MUC4: variants seen among roughly 807,000 people sequenced by gnomAD.
MUC4 encodes mucin 4, cell surface associated, also known as mucin-4.
MUC4 carries 202 observed loss-of-function variants against 257.9 expected under a neutral mutation model. That is an observed-to-expected ratio of 0.78 (90% confidence interval 0.70 to 0.88). The LOEUF (loss-of-function observed/expected upper bound fraction) is 0.88. MUC4 is among the 40% of genes least tolerant of loss of function. The pLI is 0.00. For missense variants in MUC4, 5,976 were observed against 6,513.7 expected, an observed-to-expected ratio of 0.92 and a Z score of 2.84; for synonymous variants, 2,351 against 2,757.1, an observed-to-expected ratio of 0.85 and a Z score of 4.62.
At position 195,778,399 on chromosome 3, in the gene MUC4, G is replaced by T. The variant is rs557931549; in HGVS notation, c.12847C>A (p.Pro4283Thr). 7.4e-6 allele frequency: 12 copies of T among 1,613,134 alleles called. No individual in the cohort carries two copies. The highest frequency in any genetic ancestry group is 1.0e-5 in the Non-Finnish European group (12 of 1,179,918). Residue 4283 changes from proline to threonine, a missense_variant, in exon 3 of 25, where the codon CCC becomes ACC. This residue lies in a region of MUC4 where 233 missense variants were observed against 171.2 expected (regional missense o/e 1.36). Coordinates refer to ENST00000463781, the MANE Select transcript of MUC4 (RefSeq NM_018406.7). ...DGGRRTATSPPPTTSQTIIST... is the reference protein window; with the variant it reads ...DGGRRTATSPTPTTSQTIIST... ...ATGATGGTCTGGGAGGTTGTGGGGG[G>T]TGGTGATGTGGCTGTGCGTCTCCCA...
chr3:195,767,718 CCACCACCAT>C, intron 7 of MUC4, among the ~76,000 whole-genome samples: 1 of 864 alleles, frequency 1.2e-3, no homozygotes, highest in African/African-American at 3.8e-3. Flanking sequence ...CCATCGGCCA[CCACCACCAT>C]CACCACCACC....
At chr3:195,770,748 C>A in intron 5 of MUC4, 1 of 433,108 alleles carries the variant, frequency 2.3e-6, no homozygotes, top group South Asian at 1.7e-5. Flanking sequence ...TCCACACTGC[C>A]CTGTCCGTGG....
intron 1 of MUC4, among the ~76,000 whole-genome samples, chr3:195,800,534 T>C (rs1735164683): frequency 6.6e-6 from 1 of 152,212 alleles, no homozygotes; most frequent in African/African-American, 2.4e-5. Flanking sequence ...CTACAGTTAT[T>C]GCATTTGTCT....
rs773103626 is a variant in MUC4, at chr3:195,783,052, G to C, written c.8528C>G (p.Ser2843Ter). 1.3e-5 allele frequency: 11 copies of C among 818,508 alleles called. 1 individual carries two copies. The highest frequency in any genetic ancestry group is 1.9e-5 in the Non-Finnish European group (11 of 580,852). 50.7% of individuals were successfully genotyped at this position (818,508 alleles called of 1,614,324 possible). Residue 2843 changes from serine to a stop codon, truncating the protein, a stop_gained, in exon 2 of 25, where the codon TCA becomes TGA. Coordinates refer to ENST00000463781, the MANE Select transcript of MUC4 (RefSeq NM_018406.7). LOFTEE classifies it high-confidence loss of function. ...LPVTIPSSAS[S>*]GHTTPLPVTD... is the part of the protein sequence containing the mutation. Reference sequence around the variant, plus strand: ...GACAGGAAGAGGGGTGGTGTGACCTGAGGATGCTGAGGAAGGGATGGTGAC... The same window carrying C: ...GACAGGAAGAGGGGTGGTGTGACCTCAGGATGCTGAGGAAGGGATGGTGAC...
Position 195,747,381 on chromosome 3 carries a change from C to T in MUC4, c.16035-1G>A. ...CGTGTAGATGGAGAAGGACACACAG[C>T]TGGTGACCAAGAGAGACAGACAGGC... On this transcript the variant is annotated splice_acceptor_variant, in intron 24 of 24. Transcript: ENST00000463781. LOFTEE classifies it high-confidence loss of function. 2 of 1,613,476 alleles carry T rather than the reference C, an allele frequency of 1.2e-6. No homozygotes were observed. The highest frequency in any genetic ancestry group is 8.5e-7 in the Non-Finnish European group (1 of 1,179,620).
chr3:195,788,552 G>A lies in MUC4; in HGVS notation c.3028C>T (p.Pro1010Ser), dbSNP rs1232170788. 2.6e-6 allele frequency: 4 copies of A among 1,527,984 alleles called. No individual in the cohort carries two copies. The highest frequency in any genetic ancestry group is 1.9e-4 in the Middle Eastern group (1 of 5,352). The allele number at this position is 1,527,984 out of a possible 1,614,324, so 94.7% of individuals were successfully genotyped here. A position where few individuals can be genotyped will look rare whatever the true frequency, so the allele number is the denominator to read the frequency against. The change falls in exon 2 of 25, where the codon CCT becomes TCT. Residue 1010 changes from proline to serine, a missense_variant. Pro to Ser is a moderately conservative substitution (Grantham distance 74). Around this residue, in one of 44 missense-constraint regions of MUC4, gnomAD observed 1,583 missense variants for 1,257.4 expected, o/e 1.26. Transcript: ENST00000463781. ...SVSTGHATPL[P>S]VTSPSSVSTG... ...GATACTGAGGAAGGGCTGGTGACAG[G>A]AAGAGGGGTGGCGTGACCTGTGGAT...
intron 1 of MUC4, among the ~76,000 whole-genome samples, chr3:195,802,359 A>G (rs1384266040): frequency 2.8e-5 from 2 of 71,588 alleles, no homozygotes; most frequent in Non-Finnish European, 6.3e-5. Context: ...CAGCCTCCTC[A>G]CTGCCCCTGC....
At position 195,753,114 on chromosome 3, in the gene MUC4, G is replaced by C. The variant is rs202242101; in HGVS notation, c.15445C>G (p.Pro5149Ala). 1.7e-5 allele frequency: 27 copies of C among 1,612,754 alleles called. No homozygotes were observed. The East Asian group carries it at 4.9e-4, about 29-fold the overall frequency. ...LGCQPMCTCP[P>A]AFTDSRCFLA... The stretch of plus-strand genomic sequence containing the variant: ...AAGCAGCGGCTGTCAGTGAAGGCTG[G>C]GGGGCAGGTGCACATGGGCTGACAG... Residue 5149 changes from proline (P) to alanine (A), a missense_variant, in exon 20 of 25, where the codon CCA becomes GCA. By Grantham distance (27) the Pro-to-Ala change is conservative. Around this residue, in one of 44 missense-constraint regions of MUC4, gnomAD observed 996 missense variants for 1,137.3 expected, o/e 0.88. Transcript: ENST00000463781.
chr3:195,764,038 C>T lies in MUC4; in HGVS notation c.14044+7G>A, dbSNP rs201624504. On this transcript the variant is annotated splice_region_variant and intron_variant, in intron 11 of 24. Coordinates refer to ENST00000463781, the MANE Select transcript of MUC4 (RefSeq NM_018406.7). ...GGCTCTTCCTGGGCCTGGGCCCTGT[C>T]GCTCACCGGGCTGTGGGGGCCTGTA... 2.9e-3 allele frequency: 4,692 copies of T among 1,607,976 alleles called. 45 individuals are homozygous for T. In the Middle Eastern group the frequency reaches 0.055, roughly 19 times the overall value.
intron 1 of MUC4, among the ~76,000 whole-genome samples, chr3:195,796,069 T>TTTTA (rs908369439): frequency 6.6e-6 from 1 of 152,050 alleles, no homozygotes; most frequent in African/African-American, 2.4e-5. Context: ...AACTATTTTA[T>TTTTA]TTTATTTATT....
chr3:195,756,997 T>A, intron 18 of MUC4, 150 bp downstream of exon 18: 1 of 776,924 alleles, frequency 1.3e-6, no homozygotes, highest in Non-Finnish European at 2.0e-6. Flanking sequence ...GTTTGTGGCC[T>A]GAGACTGGAA....
At position 195,810,622 on chromosome 3, in the gene MUC4, GAGGTAAGA is replaced by G. The variant is rs1190291438; in HGVS notation, c.82+1106_82+1113del. Among the ~76,000 whole-genome samples, 2 of 152,140 alleles carry G rather than the reference GAGGTAAGA, an allele frequency of 1.3e-5. No homozygotes were observed. The highest frequency in any genetic ancestry group is 2.9e-5 in the Non-Finnish European group (2 of 68,010). On this transcript the variant is annotated intron_variant, in intron 1 of 24. Coordinates refer to ENST00000463781, the MANE Select transcript of MUC4 (RefSeq NM_018406.7). The surrounding 1 kb of genome is among the most constrained non-coding windows in gnomAD (Gnocchi z 4.2). Reference sequence around the variant, plus strand: ...ATGGAGGCTTTTAAACCCGAGCTCAGAGGTAAGAAGCCCACGGCCAGCACCTCCCGGCC... The same window carrying G: ...ATGGAGGCTTTTAAACCCGAGCTCAGAGCCCACGGCCAGCACCTCCCGGCC...
rs538780118 is a variant in MUC4, at chr3:195,770,218, C to G, written c.13396G>C (p.Gly4466Arg). Reference sequence around the variant, plus strand: ...GAGCTGCCCAGGGGTCTACTCACCCCGAGGGTCCACTGGGCAGGATAGGCG... The same window carrying G: ...GAGCTGCCCAGGGGTCTACTCACCCGGAGGGTCCACTGGGCAGGATAGGCG... ...AHAYPAQWTL[G>R]SNTYQAILST... Residue 4466 changes from glycine (G) to arginine (R), a missense_variant and splice_region_variant, in exon 6 of 25, where the codon GGG (glycine) becomes CGG (arginine). Gly to Arg is a moderately radical substitution (Grantham distance 125). Around this residue, in one of 44 missense-constraint regions of MUC4, gnomAD observed 996 missense variants for 1,137.3 expected, o/e 0.88. Coordinates refer to ENST00000463781, the MANE Select transcript of MUC4 (RefSeq NM_018406.7). 2 of 1,604,950 alleles carry G rather than the reference C, an allele frequency of 1.2e-6. No individual in the cohort carries two copies. Among genetic ancestry groups the G allele is most frequent in the Non-Finnish European group, 1.7e-6 (2 of 1,176,416 alleles).
At position 195,790,963 on chromosome 3, in the gene MUC4, G is replaced by A. The variant is rs754450510; in HGVS notation, c.617C>T (p.Thr206Ile). The change falls in exon 2 of 25, where the codon ACC (threonine) becomes ATC (isoleucine). Residue 206 changes from threonine to isoleucine, a missense_variant. This residue lies in a region of MUC4 where 1,583 missense variants were observed against 1,257.4 expected (regional missense o/e 1.26). Transcript: ENST00000463781. The stretch of plus-strand genomic sequence containing the variant: ...TAGGGTGCTGGTTTGAGATTCCCTG[G>A]TGGTCTGCGTGCTCCGAGTCCAGTG... ...QNHWTRSTQTTRESQTSTLTH... is the reference protein window; with the variant it reads ...QNHWTRSTQTIRESQTSTLTH... 2 of 1,613,984 alleles carry A rather than the reference G, an allele frequency of 1.2e-6. No individual in the cohort carries two copies. Among genetic ancestry groups the A allele is most frequent in the Non-Finnish European group, 1.7e-6 (2 of 1,179,874 alleles).
Position 195,790,238 on chromosome 3 carries a change from A to T in MUC4, c.1342T>A (p.Ser448Thr). The change falls in exon 2 of 25, where the codon TCC becomes ACC. Residue 448 changes from serine (S) to threonine (T), a missense_variant. Physicochemically the swap from Ser to Thr is moderately conservative, Grantham distance 58 (BLOSUM62 1). Coordinates refer to ENST00000463781, the MANE Select transcript of MUC4 (RefSeq NM_018406.7). ...CTCTGCTGGGTGTGGAAAGCTGTGG[A>T]TATTTTTGGAGGTAGAGAACTGGGG... ...LSPSSLPPKI[S>T]TAFHTQQSEG... The T allele has an allele frequency of 6.2e-7, 1 of 1,613,958 alleles. No homozygotes were observed. Among genetic ancestry groups the T allele is most frequent in the Non-Finnish European group, 8.5e-7 (1 of 1,179,890 alleles).
chr3:195,769,984 C>T (rs543353050), intron 6 of MUC4, among the ~76,000 whole-genome samples: 5 of 147,654 alleles, frequency 3.4e-5, no homozygotes, highest in East Asian at 2.1e-4. Flanking sequence ...TAATAATACC[C>T]GGTTTGCTGG....
chr3:195,789,591 T>C lies in MUC4; in HGVS notation c.1989A>G (p.Thr663=). 6.2e-7 allele frequency: 1 copy of C among 1,613,876 alleles called. No individual in the cohort carries two copies. The highest frequency in any genetic ancestry group is 8.5e-7 in the Non-Finnish European group (1 of 1,179,870). The change falls in exon 2 of 25, where the codon ACA becomes ACG. Residue 663 remains threonine (T), a synonymous_variant. Transcript: ENST00000463781. The stretch of plus-strand genomic sequence containing the variant: ...TGAAGGAAGAACCTGGGGTGGTGAC[T>C]GTCTTGGTGTCAGTCATGGGGGAGA... ...RSVSPMTDTK[T]VTTPGSSFTA...
chr3:195,770,383 G>A lies in MUC4; in HGVS notation c.13243-12C>T. ...AACGTCTCGTATTCCTAGGAAAGGA[G>A]GGCAGATGAAAACAAGCCAACGAGG... On this transcript the variant is annotated splice_polypyrimidine_tract_variant and intron_variant, in intron 5 of 24. Coordinates refer to ENST00000463781, the MANE Select transcript of MUC4 (RefSeq NM_018406.7). 5 of 1,613,246 alleles carry A rather than the reference G, an allele frequency of 3.1e-6. No homozygotes were observed. The highest frequency in any genetic ancestry group is 4.2e-6 in the Non-Finnish European group (5 of 1,179,774).
intron 8 of MUC4, among the ~76,000 whole-genome samples, chr3:195,766,349 C>A (rs1421424098): frequency 6.6e-6 from 1 of 152,112 alleles, no homozygotes; most frequent in Admixed American, 6.5e-5. Flanking sequence ...CCATTCAAAT[C>A]CCACCTCCCA....
Sources: gnomAD v4.1 joint callset for allele counts (sites outside exome capture counted in the v4.1 genomes callset) on GRCh38, gnomAD v4.1.1 for gene constraint, gnomAD v4.1.1 regional missense constraint, Gnocchi (gnomAD v3.1) non-coding constraint, MANE v1.5 for transcripts, NCBI Gene and HGNC (gene_info 2026-07-23, HGNC 2026-07-21) for gene names.